Variants in HEXB observed in about 807,000 individuals in gnomAD.
The protein encoded by HEXB is beta-hexosaminidase subunit beta.
A neutral mutation model predicts 71.2 loss-of-function variants in HEXB; 51 were observed. The ratio of observed to expected loss-of-function variants is 0.72; its 90% confidence interval spans 0.57 to 0.90. The LOEUF is 0.90. HEXB is among the 40% of genes least tolerant of loss of function. The probability of loss-of-function intolerance (pLI) is 0.00; values close to 1 mark genes in which losing one functional copy is unlikely to be tolerated. For missense variants in HEXB, 617 were observed against 677.0 expected (o/e 0.91, Z 0.98); for synonymous variants, 266 against 249.3 (o/e 1.07, Z -0.63).
chr5:74,645,345 G>A (rs1431241389), intron 1 of HEXB, among the ~76,000 whole-genome samples: 1 of 152,204 alleles, frequency 6.6e-6, no homozygotes, highest in Non-Finnish European at 1.5e-5. Flanking sequence ...GGGACTGCAA[G>A]CGGGTGCCAT....
chr5:74,684,640 G>T (rs1283070132), upstream of HEXB, among the ~76,000 whole-genome samples: 4 of 151,832 alleles, frequency 2.6e-5, no homozygotes, highest in African/African-American at 9.7e-5. Context: ...CTGGCGTCCC[G>T]AGCCTGTGCA....
chr5:74,662,380 TG>T (rs1336277026), intron 1 of HEXB, among the ~76,000 whole-genome samples: 18 of 152,220 alleles, frequency 1.2e-4, no homozygotes, highest in African/African-American at 4.3e-4. Flanking sequence ...AGTTACTCTG[TG>T]AGTGTCATTT....
intron 1 of HEXB, among the ~76,000 whole-genome samples, chr5:74,686,634 G>A (rs1046441988): frequency 1.3e-5 from 2 of 152,170 alleles, no homozygotes; most frequent in Non-Finnish European, 2.9e-5. Context: ...ACAATCAGAA[G>A]GCTCATGGTT....
In HEXB at chr5:74,652,924, A is replaced by G. The variant is rs1029496266; in HGVS notation, c.-377+12366A>G. ...ACACATATCCCTTTATATACCAGTCATTTTTAATGCCCTCTTTGCTTTACT... is the reference window on the plus strand; with the variant it reads ...ACACATATCCCTTTATATACCAGTCGTTTTTAATGCCCTCTTTGCTTTACT... On this transcript the variant is annotated intron_variant, in intron 1 of 13. Transcript: ENST00000511181. The surrounding 1 kb of genome is among the most constrained non-coding windows in gnomAD (Gnocchi z 5.4). 3.9e-5 allele frequency among the ~76,000 whole-genome samples: 6 copies of G among 152,190 alleles called. No individual in the cohort carries two copies. Among genetic ancestry groups the G allele is most frequent in the African/African-American group, 1.4e-4 (6 of 41,452 alleles).
chr5:74,718,755 T>C (rs1490541554), intron 10 of HEXB, 42 bp from the exon 11 acceptor site: 1 of 1,578,366 alleles, frequency 6.3e-7, no homozygotes, highest in Non-Finnish European at 8.7e-7. Context: ...CATCTACTGT[T>C]CTAGGCCTAA....
intron 11 of HEXB, among the ~76,000 whole-genome samples, chr5:74,719,582 TAAG>T (rs897688824): frequency 2.6e-5 from 4 of 152,210 alleles, no homozygotes; most frequent in Non-Finnish European, 5.9e-5. Context: ...ATAGGTCTAT[TAAG>T]AATTGATAAT....
At chr5:74,697,458 G>A (rs924416063) in intron 5 of HEXB, among the ~76,000 whole-genome samples, 2 of 152,184 alleles carry the variant, frequency 1.3e-5, no homozygotes, top group Non-Finnish European at 2.9e-5. Context: ...AGGTGCGGTG[G>A]CTTACACTTG....
intron 1 of HEXB, among the ~76,000 whole-genome samples, chr5:74,669,885 C>A (rs1748500623): frequency 6.6e-6 from 1 of 152,156 alleles, no homozygotes; most frequent in Non-Finnish European, 1.5e-5. Context: ...GTGGGCGATG[C>A]AGAGACAGGC....
intron 1 of HEXB, among the ~76,000 whole-genome samples, chr5:74,670,726 C>G (rs1197083118): frequency 2.6e-5 from 4 of 152,212 alleles, no homozygotes; most frequent in Non-Finnish European, 2.9e-5. Context: ...CATGGGTGCA[C>G]CTGCCCGGGC....
At chr5:74,671,630 C>T (rs770528497) in intron 1 of HEXB, among the ~76,000 whole-genome samples, 1 of 152,012 alleles carries the variant, frequency 6.6e-6, no homozygotes, top group Non-Finnish European at 1.5e-5. Flanking sequence ...ATGGTTCCAC[C>T]GCCATGTATC....
At chr5:74,712,991 A>G (rs1346726901) in intron 6 of HEXB, among the ~76,000 whole-genome samples, 2 of 152,332 alleles carry the variant, frequency 1.3e-5, no homozygotes, top group East Asian at 3.9e-4. Flanking sequence ...ATTCAAGCTG[A>G]TAGTCCTTTG....
chr5:74,671,282 G>C (rs534148064), intron 1 of HEXB, among the ~76,000 whole-genome samples: 2 of 152,156 alleles, frequency 1.3e-5, no homozygotes, highest in East Asian at 1.9e-4. Flanking sequence ...ACAACCCAAA[G>C]GTCCATCAAC....
At chr5:74,684,978 G>C (rs957188021), upstream of HEXB, among the ~76,000 whole-genome samples, 1 of 152,122 alleles carries the variant, frequency 6.6e-6, no homozygotes, top group African/African-American at 2.4e-5. Context: ...CGTACGGCCA[G>C]CACCGGGCAT....
intron 1 of HEXB, among the ~76,000 whole-genome samples, chr5:74,663,549 A>G (rs560374299): frequency 3.5e-4 from 53 of 152,200 alleles, no homozygotes; most frequent in Non-Finnish European, 6.5e-4. Context: ...AAGACTTTAG[A>G]TGCTTGCACA....
intron 11 of HEXB, 141 bp from the exon 12 acceptor site, chr5:74,720,287 A>G: frequency 1.4e-6 from 1 of 712,142 alleles, no homozygotes; most frequent in Non-Finnish European, 2.6e-6. Flanking sequence ...TGCCACAACC[A>G]TTAGCATCTC....
intron 6 of HEXB, 118 bp downstream of exon 6, chr5:74,705,438 T>C (rs1749363641): frequency 5.5e-6 from 4 of 722,304 alleles, no homozygotes; most frequent in South Asian, 4.7e-5. Context: ...CAGATGTTTA[T>C]GGTTTTTAAT....
At chr5:74,659,541 G>GA (rs1435802859) in intron 1 of HEXB, among the ~76,000 whole-genome samples, 1 of 152,092 alleles carries the variant, frequency 6.6e-6, no homozygotes, top group East Asian at 1.9e-4. Context: ...AAAGTAGAAA[G>GA]AAAAAATAGA....
intron 1 of HEXB, among the ~76,000 whole-genome samples, chr5:74,671,076 G>A (rs6453072): frequency 0.61 from 91,920 of 151,868 alleles, 28,281 homozygotes; most frequent in African/African-American, 0.72. Flanking sequence ...TCCTATATCA[G>A]TATTATTGTT....
intron 1 of HEXB, among the ~76,000 whole-genome samples, chr5:74,663,589 T>C (rs1276901823): frequency 6.6e-6 from 1 of 152,154 alleles, no homozygotes; most frequent in Non-Finnish European, 1.5e-5. Context: ...TGAAATACAA[T>C]GGGCAAGCTA....
Sources: gnomAD v4.1 joint callset for allele counts (sites outside exome capture counted in the v4.1 genomes callset) on GRCh38, gnomAD v4.1.1 for gene constraint, Gnocchi (gnomAD v3.1) non-coding constraint, MANE v1.5 for transcripts, NCBI Gene and HGNC (gene_info 2026-07-23, HGNC 2026-07-21) for gene names.